The following CEP112 variants were observed in gnomAD, a reference collection of about 807,000 sequenced individuals.
CEP112 encodes the protein centrosomal protein 112.
CEP112 carries 127 observed loss-of-function variants against 153.0 expected under a neutral mutation model. The observed-to-expected ratio is 0.83, with a 90% CI of 0.72 to 0.96. The LOEUF is 0.96. CEP112 is among the 40% of genes least tolerant of loss of function. The pLI is 0.00. For synonymous variants in CEP112, 358 were observed against 374.4 expected, an observed-to-expected ratio of 0.96 and a Z score of 0.51; for missense variants, 1,089 against 1,101.2, an observed-to-expected ratio of 0.99 and a Z score of 0.16.
intron 19 of CEP112, 87 bp downstream of exon 19, chr17:65,927,495 G>T: frequency 1.4e-6 from 1 of 705,584 alleles, no homozygotes. Flanking sequence ...TTTTCATTAT[G>T]CAGATATTTT....
At chr17:65,858,883 T>C (rs2058210527) in intron 20 of CEP112, among the ~76,000 whole-genome samples, 2 of 152,184 alleles carry the variant, frequency 1.3e-5, no homozygotes, top group East Asian at 1.9e-4. Context: ...GCCACAAAAG[T>C]AGATACAGTA....
chr17:65,991,551 A>G (rs2063596104), intron 17 of CEP112, among the ~76,000 whole-genome samples: 1 of 152,144 alleles, frequency 6.6e-6, no homozygotes, highest in African/African-American at 2.4e-5. Flanking sequence ...ATATTCTGGT[A>G]GAATAGTATT....
intron 18 of CEP112, among the ~76,000 whole-genome samples, chr17:65,944,726 A>G (rs1434943798): frequency 2.0e-5 from 3 of 151,952 alleles, no homozygotes; most frequent in African/African-American, 7.3e-5. Context: ...AGTAACTGGT[A>G]CCATAGTTAC....
At chr17:65,750,914 G>T (rs78027556) in intron 21 of CEP112, 190 bp from the exon 22 acceptor site, 2 of 499,388 alleles carry the variant, frequency 4.0e-6, no homozygotes, top group African/African-American at 2.0e-5. Context: ...AAAAAAAAAA[G>T]ATCTCTTCTG....
At chr17:65,864,647 T>C (rs1230023111) in intron 20 of CEP112, among the ~76,000 whole-genome samples, 7 of 152,194 alleles carry the variant, frequency 4.6e-5, no homozygotes. Flanking sequence ...TTGTGCTTCT[T>C]ATGTAAATTA....
chr17:65,956,975 T>TA (rs1420150737), intron 18 of CEP112, among the ~76,000 whole-genome samples: 2 of 152,108 alleles, frequency 1.3e-5, no homozygotes, highest in Non-Finnish European at 2.9e-5. Flanking sequence ...GCAGGTAGGG[T>TA]ATACAGCATG....
chr17:65,705,058 A>G (rs1462632655), intron 23 of CEP112, among the ~76,000 whole-genome samples: 1 of 152,260 alleles, frequency 6.6e-6, no homozygotes, highest in Non-Finnish European at 1.5e-5. Flanking sequence ...TTTCTGAACT[A>G]CTAAGCAAAA....
chr17:65,885,780 T>G (rs993292805), intron 20 of CEP112, among the ~76,000 whole-genome samples: 3 of 152,204 alleles, frequency 2.0e-5, no homozygotes, highest in African/African-American at 7.2e-5. Context: ...ACAGGTATAT[T>G]GAATACAAAT....
At chr17:65,789,215 A>T (rs1294177152) in intron 21 of CEP112, among the ~76,000 whole-genome samples, 1 of 152,088 alleles carries the variant, frequency 6.6e-6, no homozygotes, top group Non-Finnish European at 1.5e-5. Flanking sequence ...ACTTAGTAGA[A>T]TTTTTTAGAA....
intron 21 of CEP112, among the ~76,000 whole-genome samples, chr17:65,829,593 T>G (rs1470752674): frequency 6.6e-6 from 1 of 152,180 alleles, no homozygotes; most frequent in Admixed American, 6.5e-5. Flanking sequence ...AAAATGCTAT[T>G]CGAAATGTTG....
intron 16 of CEP112, among the ~76,000 whole-genome samples, chr17:66,014,503 T>C (rs921373610): frequency 1.3e-5 from 2 of 152,148 alleles, no homozygotes; most frequent in Non-Finnish European, 2.9e-5. Flanking sequence ...TCCCCGGCCA[T>C]GCCCCCCTGC....
chr17:65,966,127 G>A (rs1300850721), intron 17 of CEP112, among the ~76,000 whole-genome samples: 1 of 152,140 alleles, frequency 6.6e-6, no homozygotes, highest in African/African-American at 2.4e-5. Flanking sequence ...AGATAAAAAG[G>A]TGGAAAGAAA....
intron 18 of CEP112, among the ~76,000 whole-genome samples, chr17:65,945,170 C>G (rs918947640): frequency 1.3e-5 from 2 of 152,174 alleles, no homozygotes; most frequent in African/African-American, 4.8e-5. Context: ...TTTCGTTCAA[C>G]TTTACATCTG....
intron 18 of CEP112, among the ~76,000 whole-genome samples, chr17:65,955,303 A>C (rs1278101272): frequency 3.9e-5 from 6 of 152,126 alleles, no homozygotes; most frequent in Non-Finnish European, 8.8e-5. Context: ...CTTTTCCAGA[A>C]AACAAATGCG....
At chr17:65,649,344 C>T (rs2045619434) in intron 24 of CEP112, among the ~76,000 whole-genome samples, 1 of 152,146 alleles carries the variant, frequency 6.6e-6, no homozygotes. Context: ...CTGGTTTATG[C>T]TACAGTGGTG....
At chr17:66,040,842 A>G (rs1291403562) in intron 12 of CEP112, among the ~76,000 whole-genome samples, 1 of 152,138 alleles carries the variant, frequency 6.6e-6, no homozygotes, top group African/African-American at 2.4e-5. Flanking sequence ...TAATTTTAAT[A>G]TATCCTAATT....
intron 21 of CEP112, among the ~76,000 whole-genome samples, chr17:65,832,633 T>A (rs1444573796): frequency 6.6e-6 from 1 of 150,996 alleles, no homozygotes; most frequent in Non-Finnish European, 1.5e-5. Flanking sequence ...GACACATACA[T>A]CCTGCCAAGG....
At chr17:65,901,419 T>C (rs2059844344) in intron 20 of CEP112, among the ~76,000 whole-genome samples, 1 of 152,218 alleles carries the variant, frequency 6.6e-6, no homozygotes, top group Non-Finnish European at 1.5e-5. Flanking sequence ...CTCTACAGAA[T>C]GTATTGTATC....
At chr17:65,777,724 T>C (rs571195617) in intron 21 of CEP112, among the ~76,000 whole-genome samples, 1 of 152,306 alleles carries the variant, frequency 6.6e-6, no homozygotes, top group Admixed American at 6.5e-5. Context: ...AAACCTTTTA[T>C]TTTAGTTTAT....
Sources: gnomAD v4.1 joint callset for allele counts (sites outside exome capture counted in the v4.1 genomes callset) on GRCh38, gnomAD v4.1.1 for gene constraint, MANE v1.5 for transcripts, NCBI Gene and HGNC (gene_info 2026-07-23, HGNC 2026-07-21) for gene names.